The following TRAPPC11 variants were observed in gnomAD, a reference collection of about 807,000 sequenced individuals.
The protein encoded by TRAPPC11 is foie gras homolog.
Under a neutral mutation model 151.2 loss-of-function variants are expected in TRAPPC11, and 104 were observed. That is an observed-to-expected ratio of 0.69 (90% confidence interval 0.59 to 0.81). The LOEUF (loss-of-function observed/expected upper bound fraction) is 0.81. TRAPPC11 is among the 30% of genes least tolerant of loss of function. The pLI is 0.00. For missense variants in TRAPPC11, 1,230 were observed against 1,349.6 expected (o/e 0.91, Z 1.39); for synonymous variants, 456 against 472.3 (o/e 0.97, Z 0.45).
At chr4:183,682,685 C>G in intron 10 of TRAPPC11, 47 bp from the exon 11 acceptor site, 2 of 1,333,250 alleles carry the variant, frequency 1.5e-6, no homozygotes, top group Non-Finnish European at 2.1e-6. Flanking sequence ...AGTTGATTTG[C>G]GATGAGTTCC....
At position 183,667,824 on chromosome 4, in the gene TRAPPC11, T is replaced by C. The variant is rs7655435; in HGVS notation, c.446-179T>C. ...CAGTGTTTTCCTAAAAGGCATATAC[T>C]GTGTAACCTCTAAGAACCACACAGA... On this transcript the variant is annotated intron_variant, in intron 4 of 29. Transcript: ENST00000334690. 272,339 of 597,504 alleles carry C rather than the reference T, an allele frequency of 0.46. 63,909 individuals carry two copies. Among genetic ancestry groups the C allele is most frequent in the African/African-American group, 0.62 (33,107 of 53,250 alleles). The allele number at this position is 597,504 out of a possible 1,614,324, so 37.0% of individuals were successfully genotyped here. A position where few individuals can be genotyped will look rare whatever the true frequency, so the allele number is the denominator to read the frequency against.
chr4:183,664,469 C>T (rs1734739379), intron 2 of TRAPPC11, among the ~76,000 whole-genome samples: 1 of 152,086 alleles, frequency 6.6e-6, no homozygotes, highest in African/African-American at 2.4e-5. Flanking sequence ...TGATAGGTAC[C>T]TGGAACCATG....
Position 183,685,145 on chromosome 4 carries a change from G to A in TRAPPC11, c.1629G>A (p.Met543Ile). The A allele has an allele frequency of 6.2e-7, 1 of 1,613,694 alleles. No homozygotes were observed. The highest frequency in any genetic ancestry group is 8.5e-7 in the Non-Finnish European group (1 of 1,179,722). ...RIEKNLINVL[M>I]NESPDPEPDC... is the part of the protein sequence containing the mutation. ...AAAAGAACCTCATAAATGTTTTAAT[G>A]GTAGGTTGGAATTGTTTATATAGAG... The change falls in exon 16 of 30, where the codon ATG becomes ATA. Residue 543 changes from methionine to isoleucine, a missense_variant and splice_region_variant. Coordinates refer to ENST00000334690, the MANE Select transcript of TRAPPC11 (RefSeq NM_021942.6).
chr4:183,678,428 A>G (rs1579180183), intron 8 of TRAPPC11, among the ~76,000 whole-genome samples: 1 of 152,264 alleles, frequency 6.6e-6, no homozygotes, highest in East Asian at 1.9e-4. Context: ...TTTTTTTCTA[A>G]TAGGAAAAGA....
intron 2 of TRAPPC11, among the ~76,000 whole-genome samples, chr4:183,664,968 G>C (rs1734766921): frequency 6.6e-6 from 1 of 151,678 alleles, no homozygotes; most frequent in African/African-American, 2.4e-5. Context: ...GATTATTTTT[G>C]TGTGTGTTTG....
At chr4:183,707,592 A>G (rs1021594722) in intron 28 of TRAPPC11, among the ~76,000 whole-genome samples, 2 of 152,222 alleles carry the variant, frequency 1.3e-5, no homozygotes, top group African/African-American at 2.4e-5. Context: ...TTAATTAACA[A>G]GGGCATAATT....
At chr4:183,669,490 G>C (rs1216960921) in intron 5 of TRAPPC11, among the ~76,000 whole-genome samples, 1 of 152,112 alleles carries the variant, frequency 6.6e-6, no homozygotes, top group African/African-American at 2.4e-5. Context: ...CCACCTGCCA[G>C]CTCTCCTTTT....
chr4:183,695,101 AC>A (rs1200129574), intron 23 of TRAPPC11, among the ~76,000 whole-genome samples: 2 of 151,906 alleles, frequency 1.3e-5, no homozygotes, highest in African/African-American at 4.8e-5. Context: ...GGCATGCACC[AC>A]CACACCCAGC....
At chr4:183,667,812 A>G in intron 4 of TRAPPC11, 191 bp from the exon 5 acceptor site, 1 of 517,262 alleles carries the variant, frequency 1.9e-6, no homozygotes, top group South Asian at 3.2e-5. Context: ...TGTTTTCCTA[A>G]AAGGCATATA....
Position 183,713,189 on chromosome 4 carries a change from A to G in TRAPPC11, c.*545A>G, listed in dbSNP as rs1177559909. On this transcript the variant is annotated 3_prime_UTR_variant, in exon 30 of 30. Transcript: ENST00000334690. ...AAGCAGTTTAATTAAGGTATCAAAA[A>G]TATCTTTGCTTACTATCAAGAAGTG... 1.3e-5 allele frequency: 2 copies of G among 152,382 alleles called. No homozygotes were observed. The highest frequency in any genetic ancestry group is 2.4e-5 in the African/African-American group (1 of 41,464). The allele number at this position is 152,382 out of a possible 1,614,324, so 9.4% of individuals were successfully genotyped here.
At chr4:183,696,322 TA>T (rs1386480494) in intron 23 of TRAPPC11, among the ~76,000 whole-genome samples, 3 of 152,342 alleles carry the variant, frequency 2.0e-5, no homozygotes, top group Middle Eastern at 6.8e-3. Flanking sequence ...TGATCTTTTT[TA>T]AAGGTTTCTT....
chr4:183,680,372 T>A, intron 10 of TRAPPC11, 105 bp downstream of exon 10: 1 of 1,261,700 alleles, frequency 7.9e-7, no homozygotes, highest in Non-Finnish European at 1.1e-6. Flanking sequence ...TCTTTAAATT[T>A]AATTAGTTTT....
chr4:183,685,039 TA>T (rs1735895552), intron 15 of TRAPPC11, 44 bp from the exon 16 acceptor site: 2 of 1,567,748 alleles, frequency 1.3e-6, no homozygotes, highest in Admixed American at 1.8e-5. Flanking sequence ...GTAGTAGACT[TA>T]ATTATAAGTA....
intron 5 of TRAPPC11, among the ~76,000 whole-genome samples, chr4:183,673,552 T>G (rs1735261259): frequency 6.6e-6 from 1 of 151,974 alleles, no homozygotes; most frequent in Non-Finnish European, 1.5e-5. Flanking sequence ...TGTATGCATG[T>G]AGTTCCAGCC....
intron 9 of TRAPPC11, 29 bp from the exon 10 acceptor site, chr4:183,680,091 C>T (rs1287872710): frequency 3.8e-6 from 6 of 1,584,784 alleles, no homozygotes; most frequent in Non-Finnish European, 5.2e-6. Flanking sequence ...TTTCATTCCT[C>T]TTTATTTCTT....
chr4:183,711,386 A>G (rs971541513), intron 29 of TRAPPC11, among the ~76,000 whole-genome samples: 11 of 152,374 alleles, frequency 7.2e-5, no homozygotes, highest in Non-Finnish European at 1.3e-4. Flanking sequence ...GGATGAATCC[A>G]TACTTTTCTT....
At chr4:183,665,454 G>A (rs1209885703) in intron 2 of TRAPPC11, among the ~76,000 whole-genome samples, 6 of 152,174 alleles carry the variant, frequency 3.9e-5, no homozygotes, top group African/African-American at 1.4e-4. Flanking sequence ...CCCAGCACAA[G>A]CCCTCTTTTC....
At chr4:183,695,482 C>G (rs915983630) in intron 23 of TRAPPC11, among the ~76,000 whole-genome samples, 2 of 152,196 alleles carry the variant, frequency 1.3e-5, no homozygotes, top group African/African-American at 4.8e-5. Flanking sequence ...AAGGCAACTG[C>G]TAACTCTTTG....
rs374092401 is a variant in TRAPPC11, at chr4:183,673,259, C to T, written c.561-1454C>T. ...AAGCGTGAGCACTGTGCCCGGCCCC[C>T]ATTTGCAAAATTTAAAGGATAGCTT... On this transcript the variant is annotated intron_variant, in intron 5 of 29. Transcript: ENST00000334690. 2.1e-3 allele frequency among the ~76,000 whole-genome samples: 317 copies of T among 152,202 alleles called. 2 individuals are homozygous for T. Among genetic ancestry groups the T allele is most frequent in the African/African-American group, 7.2e-3 (300 of 41,546 alleles).
Sources: gnomAD v4.1 joint callset for allele counts (sites outside exome capture counted in the v4.1 genomes callset) on GRCh38, gnomAD v4.1.1 for gene constraint, MANE v1.5 for transcripts, NCBI Gene and HGNC (gene_info 2026-07-23, HGNC 2026-07-21) for gene names.